Variants in RASSF6 observed in about 807,000 individuals in gnomAD.
The protein encoded by RASSF6 is ras association domain-containing protein 6.
A neutral mutation model predicts 44.0 loss-of-function variants in RASSF6; 52 were observed. The observed-to-expected ratio is 1.18, with a 90% CI of 0.95 to 1.49. RASSF6 has a LOEUF of 1.49. Among genes scored for constraint, RASSF6 ranks in the 40% most tolerant of loss-of-function variants. RASSF6 has a pLI of 0.00. For synonymous variants in RASSF6, 162 were observed against 124.6 expected, an observed-to-expected ratio of 1.30 and a Z score of -2.00; for missense variants, 464 against 393.3, an observed-to-expected ratio of 1.18 and a Z score of -1.52.
rs16849606 is a variant in RASSF6, at chr4:73,578,544, G to C, written c.722-1813C>G. Among the ~76,000 whole-genome samples the C allele has an allele frequency of 9.9e-3, 1,507 of 152,132 alleles. 25 individuals carry two copies. The highest frequency in any genetic ancestry group is 0.034 in the African/African-American group (1,414 of 41,490). ...CCTGAGATACTCTGCATTACCCTTTGAGTGTCCCCCTCACACAACTCATAA... is the reference window on the plus strand; with the variant it reads ...CCTGAGATACTCTGCATTACCCTTTCAGTGTCCCCCTCACACAACTCATAA... On this transcript the variant is annotated intron_variant, in intron 8 of 10. Coordinates refer to ENST00000307439, the MANE Select transcript of RASSF6 (RefSeq NM_177532.5).
intron 1 of RASSF6, among the ~76,000 whole-genome samples, chr4:73,614,691 G>A (rs991349404): frequency 6.6e-6 from 1 of 152,204 alleles, no homozygotes; most frequent in Non-Finnish European, 1.5e-5. Flanking sequence ...TAATTGCAAT[G>A]TAGTTATAGT....
chr4:73,587,904 G>A lies in RASSF6; in HGVS notation c.318C>T (p.Leu106=), dbSNP rs1372846794. 1.2e-6 allele frequency: 2 copies of A among 1,609,860 alleles called. No homozygotes were observed. The highest frequency in any genetic ancestry group is 1.7e-6 in the Non-Finnish European group (2 of 1,177,178). The change falls in exon 5 of 11, where the codon CTC becomes CTT. Residue 106 remains leucine, a synonymous_variant. Transcript: ENST00000307439. The stretch of plus-strand genomic sequence containing the variant: ...TCCTGTCCAGCTCACTAATACGATA[G>A]AGATCGTCAAATTCCCCCCAGCGTG... The part of the protein sequence containing the change: ...GMTRWGEFDD[L]YRISELDRTQ...
chr4:73,595,885 T>C (rs894962723), intron 3 of RASSF6, among the ~76,000 whole-genome samples: 4 of 152,192 alleles, frequency 2.6e-5, no homozygotes, highest in Admixed American at 2.6e-4. Context: ...GCTTTGTAAA[T>C]TTCCTTCTGT....
At position 73,571,560 on chromosome 4, in the gene RASSF6, T is replaced by TAA. The variant is rs755286284; in HGVS notation, c.*4673_*4674dup. The TAA allele has an allele frequency of 2.8e-4, 42 of 150,546 alleles. No individual in the cohort carries two copies. Among genetic ancestry groups the TAA allele is most frequent in the Non-Finnish European group, 5.3e-4 (36 of 67,952 alleles). The allele number at this position is 150,546 out of a possible 1,614,324, so 9.3% of individuals were successfully genotyped here. A position where few individuals can be genotyped will look rare whatever the true frequency, so the allele number is the denominator to read the frequency against. ...TCAGGGAAAAACATATATATATATA[T>TAA]AATGTTTAATATTTTTTCAGCTATG... is the stretch of plus-strand genomic sequence containing the variant. On this transcript the variant is annotated 3_prime_UTR_variant, in exon 11 of 11. Transcript: ENST00000307439.
At chr4:73,620,455 AGGCCCGCGCG>A (rs1560466889), upstream of RASSF6, 2 of 1,547,558 alleles carry the variant, frequency 1.3e-6, no homozygotes, top group South Asian at 2.4e-5. Flanking sequence ...GGGAGGTCCG[AGGCCCGCGCG>A]GGCGCAGGGG....
At chr4:73,595,524 A>G (rs1455288194) in intron 3 of RASSF6, among the ~76,000 whole-genome samples, 1 of 152,200 alleles carries the variant, frequency 6.6e-6, no homozygotes, top group Non-Finnish European at 1.5e-5. Context: ...TTATAAATGG[A>G]GCACTGATGT....
rs578243892 is a variant in RASSF6 at position 73,595,791 on chromosome 4, A to T, written c.145-2198T>A. Among the ~76,000 whole-genome samples the T allele has an allele frequency of 2.8e-3, 423 of 152,302 alleles. 2 individuals are homozygous for T. The highest frequency in any genetic ancestry group is 9.9e-3 in the African/African-American group (413 of 41,570). On this transcript the variant is annotated intron_variant, in intron 3 of 10. Coordinates refer to ENST00000307439, the MANE Select transcript of RASSF6 (RefSeq NM_177532.5). Reference sequence around the variant, plus strand: ...TCTTTATAAAGAGATTAGTTATTTAATTCAGTATATTATTGAATTTGGGAA... The same window carrying T: ...TCTTTATAAAGAGATTAGTTATTTATTTCAGTATATTATTGAATTTGGGAA...
intron 2 of RASSF6, among the ~76,000 whole-genome samples, chr4:73,610,798 TCC>T (rs1340621427): frequency 3.3e-5 from 5 of 152,288 alleles, no homozygotes; most frequent in Non-Finnish European, 5.9e-5. Context: ...ATTGACTGCA[TCC>T]CGACTTTATG....
intron 4 of RASSF6, among the ~76,000 whole-genome samples, chr4:73,588,195 T>C (rs1454090927): frequency 1.3e-5 from 2 of 152,108 alleles, no homozygotes; most frequent in Non-Finnish European, 2.9e-5. Context: ...ACACAAGTTA[T>C]ATAGATTCTG....
At chr4:73,607,755 A>G (rs962840067) in intron 2 of RASSF6, among the ~76,000 whole-genome samples, 3 of 152,088 alleles carry the variant, frequency 2.0e-5, no homozygotes, top group South Asian at 2.1e-4. Context: ...TGGTTCTGCT[A>G]AAGGCTCAGG....
intron 6 of RASSF6, among the ~76,000 whole-genome samples, chr4:73,584,708 A>G (rs549073615): frequency 9.2e-5 from 14 of 152,040 alleles, no homozygotes; most frequent in Non-Finnish European, 2.1e-4. Context: ...TATTGTTGGT[A>G]TGTTGGTTTC....
In RASSF6 at chr4:73,576,476, A is replaced by G. The variant is rs1381216585; in HGVS notation, c.872T>C (p.Leu291Pro). The change falls in exon 10 of 11, where the codon CTC becomes CCC. Residue 291 changes from leucine (L) to proline (P), a missense_variant. Leu to Pro is a moderately conservative substitution (Grantham distance 98). Coordinates refer to ENST00000307439, the MANE Select transcript of RASSF6 (RefSeq NM_177532.5). ...TAATCTTTGAAGAATGGATTCCAAGAGAGAAAAGTGAAAGTTAATGTACTG... is the reference window on the plus strand; with the variant it reads ...TAATCTTTGAAGAATGGATTCCAAGGGAGAAAAGTGAAAGTTAATGTACTG... The part of the protein sequence containing the change: ...VAQYINFHFS[L>P]LESILQRLNE... 1.3e-6 allele frequency: 2 copies of G among 1,583,704 alleles called. No individual in the cohort carries two copies. Among genetic ancestry groups the G allele is most frequent in the Non-Finnish European group, 1.7e-6 (2 of 1,163,566 alleles).
chr4:73,616,997 G>A (rs189484216), intron 1 of RASSF6, among the ~76,000 whole-genome samples: 1 of 152,284 alleles, frequency 6.6e-6, no homozygotes, highest in East Asian at 1.9e-4. Context: ...AGTTAACAGA[G>A]TGATGGTTTC....
chr4:73,573,945 A>C lies in RASSF6; in HGVS notation c.*2290T>G, dbSNP rs1266453490. 6.6e-6 allele frequency: 1 copy of C among 152,248 alleles called. No individual in the cohort carries two copies. The highest frequency in any genetic ancestry group is 1.9e-4 in the East Asian group (1 of 5,194). The allele number at this position is 152,248 out of a possible 1,614,324, so 9.4% of individuals were successfully genotyped here. A position where few individuals can be genotyped will look rare whatever the true frequency, so the allele number is the denominator to read the frequency against. ...TCTTTCCTGATTCCTCCAGGCTGAC[A>C]GGCCAGGCTACTGGAGAGCAGGCTT... On this transcript the variant is annotated 3_prime_UTR_variant, in exon 11 of 11. Coordinates refer to ENST00000307439, the MANE Select transcript of RASSF6 (RefSeq NM_177532.5).
intron 3 of RASSF6, among the ~76,000 whole-genome samples, chr4:73,596,764 C>T (rs540072543): frequency 2.6e-5 from 4 of 152,192 alleles, no homozygotes; most frequent in East Asian, 1.9e-4. Flanking sequence ...GATACTGGTA[C>T]GAGAACAGAC....
At chr4:73,594,631 G>C (rs532908267) in intron 3 of RASSF6, among the ~76,000 whole-genome samples, 1 of 152,254 alleles carries the variant, frequency 6.6e-6, no homozygotes, top group African/African-American at 2.4e-5. Flanking sequence ...TGATAAACTT[G>C]CTTTGGAATC....
At chr4:73,609,985 G>A (rs1191927222) in intron 2 of RASSF6, among the ~76,000 whole-genome samples, 1 of 152,208 alleles carries the variant, frequency 6.6e-6, no homozygotes, top group Admixed American at 6.5e-5. Flanking sequence ...CTGTGAACAG[G>A]CATCTGAGTC....
chr4:73,591,811 G>A, intron 4 of RASSF6, among the ~76,000 whole-genome samples: 1 of 152,090 alleles, frequency 6.6e-6, no homozygotes, highest in East Asian at 1.9e-4. Flanking sequence ...TCTATACTAT[G>A]GTTTGAATCT....
intron 4 of RASSF6, among the ~76,000 whole-genome samples, chr4:73,592,996 A>G (rs1001738609): frequency 1.3e-5 from 2 of 148,452 alleles, no homozygotes; most frequent in Non-Finnish European, 3.0e-5. Context: ...GTTTCTGAAC[A>G]CCAACTTCAT....
Sources: gnomAD v4.1 joint callset for allele counts (sites outside exome capture counted in the v4.1 genomes callset) on GRCh38, gnomAD v4.1.1 for gene constraint, MANE v1.5 for transcripts, NCBI Gene and HGNC (gene_info 2026-07-23, HGNC 2026-07-21) for gene names.